The following CDH12 variants were observed in gnomAD, a reference collection of about 807,000 sequenced individuals.
CDH12 encodes the protein cadherin-12.
Under a neutral mutation model 74.1 loss-of-function variants are expected in CDH12, and 41 were observed. That is an observed-to-expected ratio of 0.55 (90% CI 0.43 to 0.72). The LOEUF is 0.72. CDH12 is among the 30% of genes least tolerant of loss of function. The pLI is 0.00. For synonymous variants in CDH12, 399 were observed against 355.0 expected, an observed-to-expected ratio of 1.12 and a Z score of -1.39; for missense variants, 945 against 977.2, an observed-to-expected ratio of 0.97 and a Z score of 0.44.
At chr5:21,936,425 T>C (rs1158611857) in intron 6 of CDH12, among the ~76,000 whole-genome samples, 1 of 152,110 alleles carries the variant, frequency 6.6e-6, no homozygotes, top group African/African-American at 2.4e-5. Context: ...ATTTAATAGA[T>C]ATGTATTAAA....
intron 4 of CDH12, among the ~76,000 whole-genome samples, chr5:22,122,646 C>G (rs1463064317): frequency 6.6e-6 from 1 of 152,144 alleles, no homozygotes; most frequent in Non-Finnish European, 1.5e-5. Context: ...AGAGTCTATG[C>G]TGGATGTTTT....
intron 2 of CDH12, among the ~76,000 whole-genome samples, chr5:22,447,198 AT>A (rs565109094): frequency 3.9e-5 from 6 of 152,120 alleles, no homozygotes; most frequent in East Asian, 1.9e-4. Flanking sequence ...ATGTATTAGC[AT>A]TTTTTTATTC....
intron 1 of CDH12, among the ~76,000 whole-genome samples, chr5:22,800,077 A>C (rs575402720): frequency 6.6e-6 from 1 of 152,288 alleles, no homozygotes; most frequent in Non-Finnish European, 1.5e-5. Context: ...GTAGCCACTG[A>C]GGAGGTAGTA....
At chr5:22,741,254 T>C (rs1178739429) in intron 1 of CDH12, among the ~76,000 whole-genome samples, 1 of 152,198 alleles carries the variant, frequency 6.6e-6, no homozygotes, top group East Asian at 1.9e-4. Flanking sequence ...GGATTGTCTT[T>C]GAGAAAATCT....
intron 1 of CDH12, among the ~76,000 whole-genome samples, chr5:22,715,115 A>C (rs979296412): frequency 6.6e-6 from 1 of 152,166 alleles, no homozygotes; most frequent in Non-Finnish European, 1.5e-5. Flanking sequence ...TTCCTCTTTA[A>C]TCAGTAGCAC....
intron 6 of CDH12, among the ~76,000 whole-genome samples, chr5:21,971,629 G>T (rs540115533): frequency 5.3e-5 from 8 of 152,256 alleles, no homozygotes; most frequent in Middle Eastern, 3.4e-3. Context: ...AAACCTGTCA[G>T]CATTGTAGGA....
chr5:22,020,067 C>T (rs897753934), intron 5 of CDH12, among the ~76,000 whole-genome samples: 1 of 152,022 alleles, frequency 6.6e-6, no homozygotes, highest in African/African-American at 2.4e-5. Context: ...TCTGGAAGTG[C>T]TAAGTAGTTT....
At chr5:22,834,482 T>G (rs979166811) in intron 1 of CDH12, among the ~76,000 whole-genome samples, 1 of 152,128 alleles carries the variant, frequency 6.6e-6, no homozygotes, top group Non-Finnish European at 1.5e-5. Flanking sequence ...AAAACGATGT[T>G]TTCTTTCACT....
chr5:21,950,933 C>T (rs1488035379), intron 6 of CDH12, among the ~76,000 whole-genome samples: 1 of 150,888 alleles, frequency 6.6e-6, no homozygotes, highest in Middle Eastern at 3.4e-3. Flanking sequence ...ACTACAGGTG[C>T]CCACCACCAC....
intron 10 of CDH12, among the ~76,000 whole-genome samples, chr5:21,800,392 C>T (rs1361600759): frequency 6.6e-6 from 1 of 152,102 alleles, no homozygotes; most frequent in Non-Finnish European, 1.5e-5. Flanking sequence ...TCACATCTTG[C>T]AATCCTAAAC....
chr5:21,817,475 T>C (rs909433533), intron 8 of CDH12, among the ~76,000 whole-genome samples: 2 of 151,990 alleles, frequency 1.3e-5, no homozygotes, highest in African/African-American at 4.8e-5. Context: ...TAATTGGTAC[T>C]AATAATACAG....
intron 9 of CDH12, among the ~76,000 whole-genome samples, chr5:21,813,653 C>T (rs193161553): frequency 1.3e-5 from 2 of 152,184 alleles, no homozygotes; most frequent in Non-Finnish European, 2.9e-5. Flanking sequence ...TCACTTCATT[C>T]CAGCCCCACT....
chr5:22,130,297 T>C (rs1746111166), intron 4 of CDH12, among the ~76,000 whole-genome samples: 1 of 151,520 alleles, frequency 6.6e-6, no homozygotes, highest in African/African-American at 2.4e-5. Flanking sequence ...ACACACAAAG[T>C]CAATTACTTA....
chr5:22,428,348 T>A (rs1251866456), intron 2 of CDH12, among the ~76,000 whole-genome samples: 2 of 152,222 alleles, frequency 1.3e-5, no homozygotes, highest in East Asian at 1.9e-4. Flanking sequence ...TTCTTTTACA[T>A]GGAGTATGAA....
chr5:22,410,262 G>A (rs1248732773), intron 2 of CDH12, among the ~76,000 whole-genome samples: 1 of 151,942 alleles, frequency 6.6e-6, no homozygotes, highest in Non-Finnish European at 1.5e-5. Context: ...ACCAGAATCC[G>A]TTTTCCCCAG....
intron 5 of CDH12, among the ~76,000 whole-genome samples, chr5:22,032,391 G>C (rs947056920): frequency 6.6e-6 from 1 of 151,810 alleles, no homozygotes; most frequent in Non-Finnish European, 1.5e-5. Flanking sequence ...CCTGTGTGGA[G>C]CTTGCATCTT....
intron 2 of CDH12, among the ~76,000 whole-genome samples, chr5:22,488,147 C>T (rs1026919261): frequency 1.3e-5 from 2 of 152,152 alleles, no homozygotes; most frequent in Admixed American, 1.3e-4. Flanking sequence ...ACACCTCATA[C>T]AGAAAAGTCC....
intron 6 of CDH12, among the ~76,000 whole-genome samples, chr5:21,922,155 T>C (rs551726329): frequency 3.3e-5 from 5 of 152,314 alleles, no homozygotes; most frequent in Non-Finnish European, 5.9e-5. Flanking sequence ...CTTACACAAA[T>C]ACTAGTGTAA....
intron 1 of CDH12, among the ~76,000 whole-genome samples, chr5:22,537,912 T>A (rs1008147553): frequency 1.3e-4 from 20 of 152,338 alleles, no homozygotes; most frequent in South Asian, 1.0e-3. Context: ...AGTCTGCAGT[T>A]GCTTAGAGCA....
Sources: gnomAD v4.1 joint callset for allele counts (sites outside exome capture counted in the v4.1 genomes callset) on GRCh38, gnomAD v4.1.1 for gene constraint, MANE v1.5 for transcripts, NCBI Gene and HGNC (gene_info 2026-07-23, HGNC 2026-07-21) for gene names.